SNAPC4: variants seen among roughly 807,000 people sequenced by gnomAD.
The protein encoded by SNAPC4 is small nuclear RNA activating complex polypeptide 4.
Under a neutral mutation model 151.3 loss-of-function variants are expected in SNAPC4, and 127 were observed. The observed-to-expected ratio is 0.84, with a 90% confidence interval of 0.73 to 0.97. The LOEUF is 0.97. Ranked by LOEUF, SNAPC4 falls within the 50% of genes least tolerant of loss-of-function variation. The pLI, the probability that SNAPC4 is intolerant of heterozygous loss-of-function variation, is 0.00. For missense variants in SNAPC4, 2,186 were observed against 1,935.0 expected, an observed-to-expected ratio of 1.13 and a Z score of -2.43; for synonymous variants, 1,002 against 824.4, an observed-to-expected ratio of 1.22 and a Z score of -3.69.
At chr9:136,392,450 A>G in intron 9 of SNAPC4, 72 bp downstream of exon 9, 1 of 1,486,252 alleles carries the variant, frequency 6.7e-7, no homozygotes, top group Non-Finnish European at 9.3e-7. Context: ...TTACCACCCA[A>G]TTCCAACTGC....
At chr9:136,386,707 T>C (rs1255278420) in intron 13 of SNAPC4, among the ~76,000 whole-genome samples, 4 of 152,202 alleles carry the variant, frequency 2.6e-5, no homozygotes, top group Non-Finnish European at 4.4e-5. Flanking sequence ...GTGTTGGGAT[T>C]ATAGGCGTGA....
Position 136,383,789 on chromosome 9 carries a change from C to T in SNAPC4, c.1501-121G>A, listed in dbSNP as rs1197694261. 2 of 1,399,654 alleles carry T rather than the reference C, an allele frequency of 1.4e-6. No individual in the cohort carries two copies. The highest frequency in any genetic ancestry group is 9.8e-7 in the Non-Finnish European group (1 of 1,015,938). 86.7% of individuals were successfully genotyped at this position (1,399,654 alleles called of 1,614,324 possible). ...GGGGCGCCTCCGGGGTCAAGAGCAG[C>T]CGCTGCCGAGGCAGGGTCTCCCTTT... On this transcript the variant is annotated intron_variant, in intron 15 of 23. Transcript: ENST00000684778. This position sits in a 1 kb window ranked among gnomAD's most constrained non-coding sequence, Gnocchi z 4.2.
chr9:136,387,716 G>C, intron 12 of SNAPC4, 26 bp downstream of exon 12: 2 of 1,493,292 alleles, frequency 1.3e-6, no homozygotes, highest in Middle Eastern at 3.4e-4. Context: ...CCAGAGCCCA[G>C]TTCTCCTAGG....
At chr9:136,390,986 C>T (rs1834053881) in intron 10 of SNAPC4, among the ~76,000 whole-genome samples, 1 of 152,130 alleles carries the variant, frequency 6.6e-6, no homozygotes, top group African/African-American at 2.4e-5. Flanking sequence ...AGATGCCCGC[C>T]ACCACGCCCG....
At chr9:136,395,910 T>G (rs1588768008) in intron 3 of SNAPC4, 140 bp from the exon 4 acceptor site, 1 of 840,938 alleles carries the variant, frequency 1.2e-6, no homozygotes, top group South Asian at 1.7e-5. Context: ...AAGCAGGAAG[T>G]GACCCTGGTG....
chr9:136,398,338 C>G lies in SNAPC4; in HGVS notation c.91G>C (p.Glu31Gln). The G allele has an allele frequency of 6.2e-7, 1 of 1,612,074 alleles. No individual in the cohort carries two copies. Among genetic ancestry groups the G allele is most frequent in the Non-Finnish European group, 8.5e-7 (1 of 1,179,230 alleles). ...GACTCGAGACTTGATTCTGAGATCT[C>G]CACGTGGGAGCCCGAGGAGCCGGGA... ...LDPGSSGSHV[E>Q]ISESSLESDS... The change falls in exon 2 of 24, where the codon GAG (glutamate) becomes CAG (glutamine). Residue 31 changes from glutamate (E) to glutamine (Q), a missense_variant. Glu to Gln is a conservative substitution (Grantham distance 29, BLOSUM62 2). Coordinates refer to ENST00000684778, the MANE Select transcript of SNAPC4 (RefSeq NM_003086.4).
intron 1 of SNAPC4, among the ~76,000 whole-genome samples, chr9:136,399,918 G>A (rs1834396648): frequency 6.6e-6 from 1 of 152,052 alleles, no homozygotes; most frequent in African/African-American, 2.4e-5. Context: ...CCCGCAGCCC[G>A]CTCCCAGCCG....
rs1391116651 is a variant in SNAPC4, at chr9:136,383,515, C to T, written c.1654G>A (p.Ala552Thr). The T allele has an allele frequency of 1.7e-5, 27 of 1,585,816 alleles. No homozygotes were observed. The highest frequency in any genetic ancestry group is 2.3e-5 in the Non-Finnish European group (27 of 1,166,786). Residue 552 changes from alanine (A) to threonine (T), a missense_variant, in exon 16 of 24, where the codon GCC becomes ACC. Physicochemically the swap from Ala to Thr is moderately conservative, Grantham distance 58. Coordinates refer to ENST00000684778, the MANE Select transcript of SNAPC4 (RefSeq NM_003086.4). This position sits in a 1 kb window ranked among gnomAD's most constrained non-coding sequence, Gnocchi z 4.2. ...AGCAGCGCTCTGTCACCCTCCCCGG[C>T]CTGCGCCTGCTCTGGCTCGTCCTCC... ...SEEDEPEQAQAGEGDRALLSP... is the reference protein window; with the variant it reads ...SEEDEPEQAQTGEGDRALLSP...
At chr9:136,385,635 AACC>A (rs1466493377) in intron 13 of SNAPC4, among the ~76,000 whole-genome samples, 1 of 151,666 alleles carries the variant, frequency 6.6e-6, no homozygotes, top group Non-Finnish European at 1.5e-5. Context: ...AGCTCGCTGC[AACC>A]ACCAACTCCC....
At position 136,377,677 on chromosome 9, in the gene SNAPC4, G is replaced by C. The variant is rs764610473; in HGVS notation, c.4150C>G (p.Gln1384Glu). 2.5e-6 allele frequency: 4 copies of C among 1,607,474 alleles called. No homozygotes were observed. Among genetic ancestry groups the C allele is most frequent in the Non-Finnish European group, 3.4e-6 (4 of 1,176,560 alleles). Residue 1384 changes from glutamine (Q) to glutamate (E), a missense_variant, in exon 22 of 24, where the codon CAA (glutamine) becomes GAA (glutamate). Physicochemically the swap from Gln to Glu is conservative, Grantham distance 29 (BLOSUM62 2). Coordinates refer to ENST00000684778, the MANE Select transcript of SNAPC4 (RefSeq NM_003086.4). ...ACTGAGAGGGTGGTGCGGACGCCTT[G>C]GGGGGCCAGGGTGGCCAGGAGCGCA... ...LPALLATLAP[Q>E]GVRTTLSVPS... is the part of the protein sequence containing the mutation.
chr9:136,391,138 T>G lies in SNAPC4; in HGVS notation c.975+804A>C, dbSNP rs184503129. Among the ~76,000 whole-genome samples the G allele has an allele frequency of 4.6e-5, 7 of 152,300 alleles. No individual in the cohort carries two copies. In the East Asian group the frequency reaches 1.2e-3, roughly 25 times the overall value. On this transcript the variant is annotated intron_variant, in intron 10 of 23. Coordinates refer to ENST00000684778, the MANE Select transcript of SNAPC4 (RefSeq NM_003086.4). Reference sequence around the variant, plus strand: ...GGTGAGCCACTGTGCCCGGCAGAATTAAGCATCTTTAAAGGCAAACTCAAT... The same window carrying G: ...GGTGAGCCACTGTGCCCGGCAGAATGAAGCATCTTTAAAGGCAAACTCAAT...
intron 9 of SNAPC4, among the ~76,000 whole-genome samples, chr9:136,392,311 C>T (rs1368399166): frequency 2.0e-5 from 3 of 152,170 alleles, no homozygotes; most frequent in African/African-American, 7.2e-5. Context: ...TCCAGACCAT[C>T]TCAGAAAGGG....
At position 136,387,772 on chromosome 9, in the gene SNAPC4, CT is replaced by C. The variant is rs1833939167; in HGVS notation, c.1199del (p.Lys400ArgfsTer52). The C allele has an allele frequency of 6.2e-7, 1 of 1,612,554 alleles. No homozygotes were observed. The highest frequency in any genetic ancestry group is 8.5e-7 in the Non-Finnish European group (1 of 1,178,754). On this transcript the variant is annotated frameshift_variant, in exon 12 of 24. Transcript: ENST00000684778. LOFTEE classifies it high-confidence loss of function. ...RWTKSLDPGL[K>X]KGYWAPEEDA... ...CTTCCTCCGGGGCCCAGTAACCCTTCTTCAGACCAGGATCCAAGCTCTTGGT... is the reference window on the plus strand; with the variant it reads ...CTTCCTCCGGGGCCCAGTAACCCTTCTCAGACCAGGATCCAAGCTCTTGGT...
At chr9:136,391,767 T>C (rs1209125770) in intron 10 of SNAPC4, among the ~76,000 whole-genome samples, 175 bp downstream of exon 10, 1 of 152,214 alleles carries the variant, frequency 6.6e-6, no homozygotes, top group East Asian at 1.9e-4. Context: ...AATGGCCTAG[T>C]GGCAGAGAGG....
In SNAPC4 at chr9:136,387,688, C is replaced by CA. The variant is rs1035963141; in HGVS notation, c.1230+53dup. ...CCACTGGGGCACAGCAGCCGCTGAA[C>CA]ACAGCCGCGTTACCTTCCCAGAGCC... is the stretch of plus-strand genomic sequence containing the variant. On this transcript the variant is annotated intron_variant, in intron 12 of 23. Coordinates refer to ENST00000684778, the MANE Select transcript of SNAPC4 (RefSeq NM_003086.4). 8.6e-6 allele frequency: 12 copies of CA among 1,396,790 alleles called. No individual in the cohort carries two copies. The African/African-American group carries it at 1.7e-4, about 20-fold the overall frequency. The allele number at this position is 1,396,790 out of a possible 1,614,324, so 86.5% of individuals were successfully genotyped here. A position where few individuals can be genotyped will look rare whatever the true frequency, so the allele number is the denominator to read the frequency against.
rs1488047317 is a variant in SNAPC4, at chr9:136,383,701, G to A, written c.1501-33C>T. On this transcript the variant is annotated intron_variant, in intron 15 of 23. Coordinates refer to ENST00000684778, the MANE Select transcript of SNAPC4 (RefSeq NM_003086.4). The surrounding 1 kb of genome is among the most constrained non-coding windows in gnomAD (Gnocchi z 4.2). ...GAGGAAAGAGCTACTTAGAGGCCTT[G>A]GCAAGCCCGGTTCACCCATGATGGC... The A allele has an allele frequency of 6.4e-7, 1 of 1,571,610 alleles. No individual in the cohort carries two copies. The highest frequency in any genetic ancestry group is 8.6e-7 in the Non-Finnish European group (1 of 1,157,630).
chr9:136,399,045 CAA>C, intron 1 of SNAPC4, among the ~76,000 whole-genome samples: 1 of 152,340 alleles, frequency 6.6e-6, no homozygotes, highest in Non-Finnish European at 1.5e-5. Context: ...CTGACACTAA[CAA>C]ATGTTTGTCA....
chr9:136,398,465 T>G, intron 1 of SNAPC4, 28 bp from the exon 2 acceptor site: 1 of 1,603,034 alleles, frequency 6.2e-7, no homozygotes. Flanking sequence ...CCCGAGATGT[T>G]AGAAACCAAG....
In SNAPC4 at chr9:136,378,696, A is replaced by T; in HGVS notation, c.3131T>A (p.Leu1044His). ...TGGGGTGGGGCTGGGGGCTGCGGGG[A>T]GAAAGGGTGGCGCCTCAGGCAGGCC... ...KQGLPEAPPF[L>H]PAAPSPTPLP... Residue 1044 changes from leucine (L) to histidine (H), a missense_variant, in exon 22 of 24, where the codon CTC (leucine) becomes CAC (histidine). Physicochemically the swap from Leu to His is moderately conservative, Grantham distance 99. Coordinates refer to ENST00000684778, the MANE Select transcript of SNAPC4 (RefSeq NM_003086.4). 6.7e-7 allele frequency: 1 copy of T among 1,495,210 alleles called. No homozygotes were observed. The highest frequency in any genetic ancestry group is 8.9e-7 in the Non-Finnish European group (1 of 1,122,114). 92.6% of individuals were successfully genotyped at this position (1,495,210 alleles called of 1,614,324 possible).
Sources: allele counts gnomAD v4.1 joint callset (sites outside exome capture counted in the v4.1 genomes callset), GRCh38; gene constraint gnomAD v4.1.1; non-coding constraint Gnocchi (gnomAD v3.1); transcripts MANE v1.5; gene names NCBI Gene and HGNC (gene_info 2026-07-23, HGNC 2026-07-21).